ASIC2: variants seen among roughly 807,000 people sequenced by gnomAD.
The protein encoded by ASIC2 is acid-sensing ion channel 2.
Under a neutral mutation model 57.3 loss-of-function variants are expected in ASIC2, and 25 were observed. The observed-to-expected ratio is 0.44, with a 90% CI of 0.32 to 0.61. The LOEUF is 0.61. Ranked by LOEUF, ASIC2 falls within the 20% of genes least tolerant of loss-of-function variation. The pLI is 0.06. For synonymous variants in ASIC2, 319 were observed against 307.5 expected (o/e 1.04, Z -0.39); for missense variants, 641 against 738.1 (o/e 0.87, Z 1.52).
chr17:33,918,893 A>G (rs770314840), intron 1 of ASIC2, among the ~76,000 whole-genome samples: 46 of 152,230 alleles, frequency 3.0e-4, no homozygotes, highest in Non-Finnish European at 5.9e-4. Flanking sequence ...TGGATTTCCC[A>G]AAGGGTCTCA....
intron 1 of ASIC2, among the ~76,000 whole-genome samples, chr17:33,821,720 C>T (rs1278672142): frequency 6.6e-6 from 1 of 152,226 alleles, no homozygotes; most frequent in Admixed American, 6.5e-5. Context: ...CATCAGCAAA[C>T]TCATTTCCTT....
At chr17:33,652,751 G>A (rs552254579) in intron 1 of ASIC2, among the ~76,000 whole-genome samples, 2 of 152,330 alleles carry the variant, frequency 1.3e-5, no homozygotes, top group South Asian at 2.1e-4. Context: ...GGAAGCTGCC[G>A]CCTTGGCAGT....
At position 33,496,592 on chromosome 17, in the gene ASIC2, A is replaced by C. The variant is rs57215283; in HGVS notation, c.556-384525T>G. Among the ~76,000 whole-genome samples, 690 of 129,420 alleles carry C rather than the reference A, an allele frequency of 5.3e-3. 9 individuals are homozygous for C. The highest frequency in any genetic ancestry group is 0.019 in the African/African-American group (664 of 34,450). The allele number at this position is 129,420 out of a possible 152,430, so 84.9% of individuals were successfully genotyped here. ...GGGGGTCAATTGCAGAAAAGGAAAT[A>C]GTTATTGTAGGTTTTTTTTTTTTTT... On this transcript the variant is annotated intron_variant, in intron 1 of 9. Coordinates refer to the ASIC2 transcript ENST00000359872.
intron 1 of ASIC2, among the ~76,000 whole-genome samples, chr17:33,268,268 A>G (rs1400671308): frequency 6.6e-6 from 1 of 151,986 alleles, no homozygotes; most frequent in Non-Finnish European, 1.5e-5. Context: ...ATCAGCTTCT[A>G]TTGTTTACAA....
intron 1 of ASIC2, among the ~76,000 whole-genome samples, chr17:33,758,997 A>G (rs1384522659): frequency 6.6e-6 from 1 of 152,034 alleles, no homozygotes; most frequent in African/African-American, 2.4e-5. Flanking sequence ...CATTTTCAGA[A>G]GCTGGAAGAA....
intron 1 of ASIC2, among the ~76,000 whole-genome samples, chr17:33,730,554 ACT>A: frequency 6.6e-6 from 1 of 152,360 alleles, no homozygotes; most frequent in South Asian, 2.1e-4. Flanking sequence ...CATATTGACT[ACT>A]TGAATATAAA....
At chr17:33,728,796 G>A (rs567444005) in intron 1 of ASIC2, among the ~76,000 whole-genome samples, 41 of 152,246 alleles carry the variant, frequency 2.7e-4, no homozygotes, top group African/African-American at 7.2e-4. Flanking sequence ...TCCATGAGCC[G>A]GGCCAACCAG....
chr17:33,599,095 G>C (rs536286886), intron 1 of ASIC2, among the ~76,000 whole-genome samples: 2 of 152,220 alleles, frequency 1.3e-5, no homozygotes, highest in Non-Finnish European at 2.9e-5. Flanking sequence ...ATGGAGCCTT[G>C]ATATCTGCAC....
chr17:33,848,162 C>A (rs956530573), intron 1 of ASIC2, among the ~76,000 whole-genome samples: 1 of 152,162 alleles, frequency 6.6e-6, no homozygotes, highest in African/African-American at 2.4e-5. Flanking sequence ...ACCAGAAGGG[C>A]AGCCCTAGAT....
chr17:33,381,571 C>T (rs1473736525), intron 1 of ASIC2, among the ~76,000 whole-genome samples: 5 of 152,054 alleles, frequency 3.3e-5, no homozygotes, highest in Admixed American at 1.3e-4. Context: ...GTATGTGCCC[C>T]GGGGGGGCAC....
At chr17:33,660,460 A>C (rs1195022296) in intron 1 of ASIC2, among the ~76,000 whole-genome samples, 1 of 152,106 alleles carries the variant, frequency 6.6e-6, no homozygotes, top group African/African-American at 2.4e-5. Context: ...CTGTTTTTAA[A>C]ATTATTTATT....
chr17:33,159,476 G>C (rs73982439), intron 1 of ASIC2, among the ~76,000 whole-genome samples: 1,842 of 152,186 alleles, frequency 0.012, 40 homozygotes, highest in African/African-American at 0.04. Flanking sequence ...TCTCCCTCCC[G>C]TTTTATTGAT....
chr17:33,911,421 C>T (rs955247092), intron 1 of ASIC2, among the ~76,000 whole-genome samples: 1 of 152,148 alleles, frequency 6.6e-6, no homozygotes, highest in African/African-American at 2.4e-5. Flanking sequence ...TTCTGCTGCC[C>T]CATGCTGAGG....
At chr17:33,578,436 TCA>T (rs1478405717) in intron 1 of ASIC2, among the ~76,000 whole-genome samples, 3 of 152,192 alleles carry the variant, frequency 2.0e-5, no homozygotes, top group Non-Finnish European at 4.4e-5. Context: ...ATTTACAGTA[TCA>T]GTCATTTACA....
At chr17:33,451,757 G>C (rs1237769109) in intron 1 of ASIC2, among the ~76,000 whole-genome samples, 1 of 152,036 alleles carries the variant, frequency 6.6e-6, no homozygotes, top group Non-Finnish European at 1.5e-5. Flanking sequence ...ATGGTGTATT[G>C]GCTTCTCTCC....
At chr17:33,310,136 GTC>G (rs1315757970) in intron 1 of ASIC2, among the ~76,000 whole-genome samples, 1 of 151,652 alleles carries the variant, frequency 6.6e-6, no homozygotes, top group Non-Finnish European at 1.5e-5. Flanking sequence ...GTGTTTTGAT[GTC>G]TCTATGCTAC....
At chr17:33,098,881 A>G (rs1289115370) in intron 2 of ASIC2, among the ~76,000 whole-genome samples, 1 of 151,838 alleles carries the variant, frequency 6.6e-6, no homozygotes, top group Non-Finnish European at 1.5e-5. Flanking sequence ...AAGTCACTCA[A>G]TGTCTCTGCT....
Position 33,992,644 on chromosome 17 carries a change from A to G in ASIC2, c.555+163334T>C, listed in dbSNP as rs185349868. Among the ~76,000 whole-genome samples, 271 of 152,196 alleles carry G rather than the reference A, an allele frequency of 1.8e-3. 5 individuals are homozygous for G. The highest frequency in any genetic ancestry group is 6.1e-3 in the African/African-American group (253 of 41,532). On this transcript the variant is annotated intron_variant, in intron 1 of 9. Coordinates refer to the ASIC2 transcript ENST00000359872. ...TTCTTCCAAACCCTGAGTTCAGTGG[A>G]CTCTATGTTGGCAGCTTGAGATCAG...
intron 1 of ASIC2, among the ~76,000 whole-genome samples, chr17:33,184,843 T>C (rs1443668520): frequency 6.6e-6 from 1 of 152,158 alleles, no homozygotes; most frequent in Non-Finnish European, 1.5e-5. Flanking sequence ...CTTCCAGAAC[T>C]TATCACCCCA....
Sources: allele counts gnomAD v4.1 joint callset (sites outside exome capture counted in the v4.1 genomes callset), GRCh38; gene constraint gnomAD v4.1.1; transcripts MANE v1.5; gene names NCBI Gene and HGNC (gene_info 2026-07-23, HGNC 2026-07-21).